The following THOC5 variants were observed in gnomAD, a reference collection of about 807,000 sequenced individuals.
THOC5 encodes the protein Fms-interacting protein.
A neutral mutation model predicts 92.9 loss-of-function variants in THOC5; 43 were observed. The ratio of observed to expected loss-of-function variants is 0.46; its 90% confidence interval spans 0.36 to 0.60. The LOEUF (loss-of-function observed/expected upper bound fraction) is 0.60. Among genes scored for constraint, THOC5 ranks in the 20% least tolerant of loss-of-function variants. The pLI is 0.00. For missense variants in THOC5, 659 were observed against 849.4 expected, an observed-to-expected ratio of 0.78 and a Z score of 2.79; for synonymous variants, 296 against 320.1, an observed-to-expected ratio of 0.92 and a Z score of 0.80.
chr22:29,539,414 T>A lies in THOC5; in HGVS notation c.515A>T (p.Asp172Val). 1 of 1,614,166 alleles carries A rather than the reference T, an allele frequency of 6.2e-7. No individual in the cohort carries two copies. Among genetic ancestry groups the A allele is most frequent in the Non-Finnish European group, 8.5e-7 (1 of 1,180,002 alleles). Reference protein sequence around the residue: ...LEEFYKEAPPDISKAEVTMGD... With the variant: ...LEEFYKEAPPVISKAEVTMGD... ...CATGGTGACTTCGGCCTTGCTGATA[T>A]CTGGTGGAGCCTCCTTATAAAACTC... is the stretch of plus-strand genomic sequence containing the variant. Residue 172 changes from aspartate to valine, a missense_variant, in exon 6 of 20, where the codon GAT becomes GTT. Asp to Val is a radical substitution (Grantham distance 152). Transcript: ENST00000490103.
At chr22:29,539,666 G>C (rs2063838195) in intron 5 of THOC5, among the ~76,000 whole-genome samples, 190 bp from the exon 6 acceptor site, 1 of 152,166 alleles carries the variant, frequency 6.6e-6, no homozygotes, top group South Asian at 2.1e-4. Context: ...ACATGCCATA[G>C]GATCCTTATC....
chr22:29,552,534 G>A (rs1212532563), intron 1 of THOC5, among the ~76,000 whole-genome samples: 2 of 146,544 alleles, frequency 1.4e-5, no homozygotes, highest in East Asian at 4.1e-4. Context: ...GGAGGTGGGG[G>A]GCAGCCCCCG....
intron 9 of THOC5, 48 bp downstream of exon 9, chr22:29,529,114 G>C: frequency 6.3e-7 from 1 of 1,587,974 alleles, no homozygotes; most frequent in African/African-American, 1.3e-5. Context: ...ACTGCCCTTG[G>C]ATGGTGACCT....
chr22:29,528,175 C>T lies in THOC5; in HGVS notation c.969G>A (p.Lys323=), dbSNP rs2063580225. The change falls in exon 11 of 20, where the codon AAG becomes AAA. Residue 323 remains lysine (K), a splice_region_variant and synonymous_variant. Coordinates refer to ENST00000490103, the MANE Select transcript of THOC5 (RefSeq NM_003678.5). ...DSDAEEEQTT[K]RRRPTLGVQL... ...GAACCCCCAGTGTGGGTCTCCGGCGCTTCTGGACAAAGGAAAGTGCCAAGC... is the reference window on the plus strand; with the variant it reads ...GAACCCCCAGTGTGGGTCTCCGGCGTTTCTGGACAAAGGAAAGTGCCAAGC... The T allele has an allele frequency of 6.2e-7, 1 of 1,613,986 alleles. No homozygotes were observed. Among genetic ancestry groups the T allele is most frequent in the Middle Eastern group, 1.6e-4 (1 of 6,062 alleles).
chr22:29,539,224 C>A, intron 6 of THOC5, 106 bp downstream of exon 6: 1 of 1,235,260 alleles, frequency 8.1e-7, no homozygotes, highest in Non-Finnish European at 1.1e-6. Flanking sequence ...GGGATTTGGT[C>A]TTAGAAACTA....
intron 5 of THOC5, 71 bp downstream of exon 5, chr22:29,542,788 C>T: frequency 9.9e-7 from 1 of 1,008,566 alleles, no homozygotes; most frequent in Non-Finnish European, 1.5e-6. Context: ...AACAGACTTA[C>T]AGTGAGCTAC....
intron 13 of THOC5, among the ~76,000 whole-genome samples, 178 bp downstream of exon 13, chr22:29,520,820 C>A (rs907711082): frequency 1.3e-5 from 2 of 152,198 alleles, no homozygotes; most frequent in African/African-American, 4.8e-5. Flanking sequence ...GATCCTTCCA[C>A]CCTTTTTGTG....
intron 8 of THOC5, 37 bp from the exon 9 acceptor site, chr22:29,529,276 G>A (rs747801180): frequency 3.7e-6 from 6 of 1,607,928 alleles, no homozygotes; most frequent in Middle Eastern, 1.7e-4. Context: ...GAAAGCTGCT[G>A]AGGAAAGCTG....
In THOC5 at chr22:29,546,396, C is replaced by T. The variant is rs185438023; in HGVS notation, c.97-1793G>A. ...TTTCTGCAACCAACTTGAATTTCTC[C>T]GCAAAAAATGGGTTTTTCTTTCCTT... is the stretch of plus-strand genomic sequence containing the variant. On this transcript the variant is annotated intron_variant, in intron 2 of 19. Transcript: ENST00000490103. 1.6e-3 allele frequency among the ~76,000 whole-genome samples: 231 copies of T among 144,464 alleles called. 2 individuals carry two copies. The highest frequency in any genetic ancestry group is 4.8e-3 in the South Asian group (21 of 4,352). The allele number at this position is 144,464 out of a possible 152,430, so 94.8% of individuals were successfully genotyped here. A position where few individuals can be genotyped will look rare whatever the true frequency, so the allele number is the denominator to read the frequency against.
rs1217887403 is a variant in THOC5, at chr22:29,529,162, C to G, written c.925G>C (p.Asp309His). ...GGACGAATCCCAACCACCACATTAC[C>G]TTGGGAGTCCTCTGGAGGTTTGAAC... ...ALFKPPEDSQ[D>H]DESDSDAEEE... is the part of the protein sequence containing the mutation. Residue 309 changes from aspartate (D) to histidine (H), a missense_variant and splice_region_variant, in exon 9 of 20, where the codon GAT becomes CAT. Transcript: ENST00000490103. The G allele has an allele frequency of 6.2e-7, 1 of 1,614,178 alleles. No individual in the cohort carries two copies. The highest frequency in any genetic ancestry group is 8.5e-7 in the Non-Finnish European group (1 of 1,180,000).
At chr22:29,537,052 G>C (rs1407741210) in intron 6 of THOC5, among the ~76,000 whole-genome samples, 1 of 152,256 alleles carries the variant, frequency 6.6e-6, no homozygotes, top group African/African-American at 2.4e-5. Flanking sequence ...CATGTCTCTT[G>C]CTCTCCAGAG....
intron 6 of THOC5, among the ~76,000 whole-genome samples, chr22:29,537,297 C>T (rs888214128): frequency 1.1e-4 from 16 of 152,322 alleles, no homozygotes; most frequent in African/African-American, 3.6e-4. Flanking sequence ...GACTGGACAG[C>T]GGAGTGACAG....
chr22:29,525,530 T>C (rs1011402870), intron 12 of THOC5, among the ~76,000 whole-genome samples: 9 of 150,408 alleles, frequency 6.0e-5, no homozygotes, highest in African/African-American at 2.2e-4. Context: ...CCAAATCTCA[T>C]TTTATATTCA....
At chr22:29,511,016 G>A in intron 19 of THOC5, 90 bp downstream of exon 19, 1 of 1,418,326 alleles carries the variant, frequency 7.1e-7, no homozygotes, top group East Asian at 2.3e-5. Context: ...GTTTCAGGAA[G>A]GAAGAAGCAA....
At chr22:29,539,497 T>A (rs748732092) in intron 5 of THOC5, 21 bp from the exon 6 acceptor site, 1 of 1,607,220 alleles carries the variant, frequency 6.2e-7, no homozygotes, top group Non-Finnish European at 8.5e-7. Context: ...AAACATGACA[T>A]CAAGCTGCTG....
intron 9 of THOC5, 63 bp downstream of exon 9, chr22:29,529,099 C>G: frequency 6.5e-7 from 1 of 1,538,270 alleles, no homozygotes; most frequent in Non-Finnish European, 9.0e-7. Context: ...TCTCCAAAGA[C>G]CAGGACTGCC....
At chr22:29,531,802 C>G (rs1221336414) in intron 8 of THOC5, 29 bp downstream of exon 8, 1 of 1,607,502 alleles carries the variant, frequency 6.2e-7, no homozygotes, top group Admixed American at 1.7e-5. Context: ...TCCCATAGCC[C>G]CTTGTCCTCA....
rs539646255 is a variant in THOC5 at position 29,511,393 on chromosome 22, T to C, written c.1798-97A>G. The C allele has an allele frequency of 7.0e-5, 98 of 1,394,840 alleles. No homozygotes were observed. In the East Asian group the frequency reaches 1.7e-3, roughly 24 times the overall value. The allele number at this position is 1,394,840 out of a possible 1,614,324, so 86.4% of individuals were successfully genotyped here. On this transcript the variant is annotated intron_variant, in intron 18 of 19. Transcript: ENST00000490103. ...GTCCCTGGATGGGCCCGAGCGCTGA[T>C]GCCTCTGCAGGGGCTGGGCCAGGGG...
chr22:29,513,397 CAA>C lies in THOC5; in HGVS notation c.1682-1263_1682-1262del, dbSNP rs1329373195. 2.1e-3 allele frequency among the ~76,000 whole-genome samples: 316 copies of C among 150,280 alleles called. 1 individual carries two copies. The highest frequency in any genetic ancestry group is 3.6e-3 in the Non-Finnish European group (245 of 67,534). ...AAGTTGCTTTACCTCCCCCTGTCCCCAAAAAAGAGTGTTCTGGACTGGGCATG... is the reference window on the plus strand; with the variant it reads ...AAGTTGCTTTACCTCCCCCTGTCCCCAAAAGAGTGTTCTGGACTGGGCATG... On this transcript the variant is annotated intron_variant, in intron 17 of 19. Coordinates refer to ENST00000490103, the MANE Select transcript of THOC5 (RefSeq NM_003678.5).
Sources: gnomAD v4.1 joint callset for allele counts (sites outside exome capture counted in the v4.1 genomes callset) on GRCh38, gnomAD v4.1.1 for gene constraint, MANE v1.5 for transcripts, NCBI Gene and HGNC (gene_info 2026-07-23, HGNC 2026-07-21) for gene names.